ZMAT4: variants seen among roughly 807,000 people sequenced by gnomAD.
The protein encoded by ZMAT4 is zinc finger matrin-type protein 4.
ZMAT4 carries 17 observed loss-of-function variants against 28.7 expected under a neutral mutation model. The observed-to-expected ratio is 0.59, with a 90% confidence interval of 0.41 to 0.89. ZMAT4 has a LOEUF of 0.89. Among genes scored for constraint, ZMAT4 ranks in the 40% least tolerant of loss-of-function variants. The probability of loss-of-function intolerance (pLI) is 0.00; values close to 1 mark genes in which losing one functional copy is unlikely to be tolerated. For missense variants in ZMAT4, 240 were observed against 283.8 expected (o/e 0.85, Z 1.11); for synonymous variants, 117 against 109.2 (o/e 1.07, Z -0.44).
chr8:40,810,119 T>C (rs900157484), intron 2 of ZMAT4, among the ~76,000 whole-genome samples: 2 of 152,134 alleles, frequency 1.3e-5, no homozygotes, highest in Non-Finnish European at 2.9e-5. Context: ...CATATATATG[T>C]GTATATGTAT....
intron 2 of ZMAT4, among the ~76,000 whole-genome samples, chr8:40,816,632 G>A (rs1485304711): frequency 2.6e-5 from 4 of 152,142 alleles, no homozygotes; most frequent in Admixed American, 1.3e-4. Context: ...ACCTGCCTAC[G>A]GAGCTTACAG....
intron 1 of ZMAT4, chr8:40,884,528 C>T (rs1818389564): frequency 6.6e-6 from 1 of 152,338 alleles, no homozygotes; most frequent in Non-Finnish European, 1.5e-5. Flanking sequence ...GAGCCTCTCA[C>T]CTCATCCTCA....
intron 5 of ZMAT4, among the ~76,000 whole-genome samples, chr8:40,654,527 C>A (rs1807831883): frequency 6.6e-6 from 1 of 152,004 alleles, no homozygotes; most frequent in Non-Finnish European, 1.5e-5. Flanking sequence ...AACTACAGAC[C>A]AACATTTCTA....
At chr8:40,703,906 T>C (rs925981299) in intron 3 of ZMAT4, among the ~76,000 whole-genome samples, 1 of 152,210 alleles carries the variant, frequency 6.6e-6, no homozygotes, top group Admixed American at 6.5e-5. Context: ...AAGCGAATCA[T>C]AATGAGGAGT....
chr8:40,586,141 C>A (rs1261214884), intron 5 of ZMAT4, among the ~76,000 whole-genome samples: 1 of 152,140 alleles, frequency 6.6e-6, no homozygotes, highest in African/African-American at 2.4e-5. Context: ...GAGGAGTCCT[C>A]CCCCACGCAT....
intron 5 of ZMAT4, among the ~76,000 whole-genome samples, chr8:40,620,353 T>G (rs745516673): frequency 2.6e-5 from 4 of 152,238 alleles, no homozygotes; most frequent in Non-Finnish European, 5.9e-5. Context: ...TCTTCCATCC[T>G]TCCCCAAAGC....
At chr8:40,703,013 CTATA>C (rs142988150) in intron 3 of ZMAT4, among the ~76,000 whole-genome samples, 2 of 146,780 alleles carry the variant, frequency 1.4e-5, no homozygotes, top group African/African-American at 5.0e-5. Context: ...AAGAAATTTA[CTATA>C]TATATATATA....
chr8:40,561,761 A>T (rs1191475025), intron 6 of ZMAT4, among the ~76,000 whole-genome samples: 1 of 152,120 alleles, frequency 6.6e-6, no homozygotes, highest in Admixed American at 6.6e-5. Flanking sequence ...TTCTCAAAAC[A>T]TTATGAGAGT....
intron 1 of ZMAT4, among the ~76,000 whole-genome samples, chr8:40,876,719 T>A (rs1162888375): frequency 6.6e-6 from 1 of 152,222 alleles, no homozygotes; most frequent in Non-Finnish European, 1.5e-5. Context: ...ATTTGACTGT[T>A]GATGTTATTG....
chr8:40,687,716 G>A (rs1809477541), intron 4 of ZMAT4, among the ~76,000 whole-genome samples: 1 of 152,150 alleles, frequency 6.6e-6, no homozygotes, highest in African/African-American at 2.4e-5. Context: ...ATATACTACA[G>A]TGAATCCTTC....
chr8:40,782,880 C>T (rs1813896141), intron 2 of ZMAT4, among the ~76,000 whole-genome samples: 1 of 152,208 alleles, frequency 6.6e-6, no homozygotes, highest in African/African-American at 2.4e-5. Flanking sequence ...TCACTTCACA[C>T]ATGCTAAGGT....
chr8:40,759,695 C>T (rs1340428451), intron 3 of ZMAT4, among the ~76,000 whole-genome samples: 1 of 152,094 alleles, frequency 6.6e-6, no homozygotes, highest in African/African-American at 2.4e-5. Context: ...CTGTCTTGGT[C>T]GCGCCCCACC....
Position 40,774,549 on chromosome 8 carries a change from A to G in ZMAT4, c.103-6819T>C, listed in dbSNP as rs187700723. ...GAAGCAATCAGAGACATGTATTTCCATTTATTTATAGTAGTAAACATGGGA... is the reference window on the plus strand; with the variant it reads ...GAAGCAATCAGAGACATGTATTTCCGTTTATTTATAGTAGTAAACATGGGA... On this transcript the variant is annotated intron_variant, in intron 2 of 6. Transcript: ENST00000297737. Among the ~76,000 whole-genome samples the G allele has an allele frequency of 3.0e-3, 453 of 152,180 alleles. 4 individuals are homozygous for G. Among genetic ancestry groups the G allele is most frequent in the African/African-American group, 0.01 (436 of 41,554 alleles).
At chr8:40,610,419 G>C (rs1024986917) in intron 5 of ZMAT4, among the ~76,000 whole-genome samples, 16 of 152,102 alleles carry the variant, frequency 1.1e-4, no homozygotes, top group Non-Finnish European at 1.5e-5. Context: ...AGCTATGCAG[G>C]GTTGGCAATT....
At chr8:40,596,250 T>G (rs1235029633) in intron 5 of ZMAT4, among the ~76,000 whole-genome samples, 1 of 152,208 alleles carries the variant, frequency 6.6e-6, no homozygotes, top group African/African-American at 2.4e-5. Context: ...AGAACATAAC[T>G]GTACACTACT....
chr8:40,572,519 G>C (rs902686916), intron 6 of ZMAT4, among the ~76,000 whole-genome samples: 1 of 151,920 alleles, frequency 6.6e-6, no homozygotes, highest in African/African-American at 2.4e-5. Flanking sequence ...TTTATTTCTA[G>C]GTAACATCAT....
At chr8:40,602,068 T>C (rs1563361318) in intron 5 of ZMAT4, among the ~76,000 whole-genome samples, 1 of 152,162 alleles carries the variant, frequency 6.6e-6, no homozygotes, top group East Asian at 1.9e-4. Context: ...CTTATGCCTT[T>C]GTGTCCTCAT....
At chr8:40,801,358 A>ATATATATGTG (rs1212674823) in intron 2 of ZMAT4, among the ~76,000 whole-genome samples, 3 of 144,110 alleles carry the variant, frequency 2.1e-5, no homozygotes, top group South Asian at 2.2e-4. Flanking sequence ...AAAAATATAT[A>ATATATATGTG]TATATATATA....
At chr8:40,792,297 A>G (rs1244140120) in intron 2 of ZMAT4, among the ~76,000 whole-genome samples, 1 of 151,628 alleles carries the variant, frequency 6.6e-6, no homozygotes, top group East Asian at 2.0e-4. Flanking sequence ...GTCTTGTTTT[A>G]TTTTTAAAAA....
Sources: allele counts gnomAD v4.1 joint callset (sites outside exome capture counted in the v4.1 genomes callset), GRCh38; gene constraint gnomAD v4.1.1; transcripts MANE v1.5; gene names NCBI Gene and HGNC (gene_info 2026-07-23, HGNC 2026-07-21).